The following MOSMO variants were observed in gnomAD, a reference collection of about 807,000 sequenced individuals.
The protein encoded by MOSMO is modulator of smoothened protein.
Under a neutral mutation model 18.4 loss-of-function variants are expected in MOSMO, and 5 were observed. The observed-to-expected ratio is 0.27, with a 90% CI of 0.14 to 0.57. The LOEUF (loss-of-function observed/expected upper bound fraction) is 0.57. Ranked by LOEUF, MOSMO falls within the 20% of genes least tolerant of loss-of-function variation. The probability of loss-of-function intolerance (pLI) is 0.92; values close to 1 mark genes in which losing one functional copy is unlikely to be tolerated. For synonymous variants in MOSMO, 82 were observed against 82.3 expected (o/e 1.00, Z 0.02); for missense variants, 138 against 211.8 (o/e 0.65, Z 2.16).
At chr16:22,049,954 C>T (rs1900389892) in intron 1 of MOSMO, among the ~76,000 whole-genome samples, 1 of 152,178 alleles carries the variant, frequency 6.6e-6, no homozygotes, top group Non-Finnish European at 1.5e-5. Flanking sequence ...ACCATTACTA[C>T]ACACTCTTCA....
intron 1 of MOSMO, among the ~76,000 whole-genome samples, chr16:22,060,857 GAGCAAAA>G (rs1567511412): frequency 6.6e-6 from 1 of 150,876 alleles, no homozygotes; most frequent in African/African-American, 2.4e-5. Flanking sequence ...TGGGCAACAG[GAGCAAAA>G]CTCTGTCTCA....
downstream of MOSMO, among the ~76,000 whole-genome samples, chr16:22,091,240 G>C (rs1302379217): frequency 6.6e-6 from 1 of 152,008 alleles, no homozygotes. Flanking sequence ...TCTTATACAT[G>C]GTGCTCTCAA....
chr16:22,008,350 A>C lies in MOSMO; in HGVS notation c.49A>C (p.Ile17Leu). 2.0e-6 allele frequency: 3 copies of C among 1,533,572 alleles called. No individual in the cohort carries two copies. Among genetic ancestry groups the C allele is most frequent in the Non-Finnish European group, 2.6e-6 (3 of 1,145,934 alleles). 95.0% of individuals were successfully genotyped at this position (1,533,572 alleles called of 1,614,324 possible). A position where few individuals can be genotyped will look rare whatever the true frequency, so the allele number is the denominator to read the frequency against. ...ISGCLFLAAD[I>L]FAIASIANPD... ...AGGATGTCTCTTTCTGGCCGCCGAT[A>C]TCTTCGCCATCGCCAGCATCGCCAA... The change falls in exon 1 of 3, where the codon ATC becomes CTC. Residue 17 changes from isoleucine (I) to leucine (L), a missense_variant. Ile to Leu is a conservative substitution (Grantham distance 5). Transcript: ENST00000542527.
chr16:22,069,209 T>C (rs1346473351), intron 1 of MOSMO, among the ~76,000 whole-genome samples: 1 of 152,130 alleles, frequency 6.6e-6, no homozygotes, highest in Non-Finnish European at 1.5e-5. Flanking sequence ...TCATAGGTAC[T>C]AGCCAGGAAA....
At chr16:22,073,849 A>T (rs536403001) in intron 1 of MOSMO, among the ~76,000 whole-genome samples, 1 of 151,994 alleles carries the variant, frequency 6.6e-6, no homozygotes, top group Admixed American at 6.6e-5. Flanking sequence ...TGATAACCCC[A>T]TAAGTATAAT....
intron 1 of MOSMO, among the ~76,000 whole-genome samples, chr16:22,061,905 CTT>C (rs1289033174): frequency 6.6e-6 from 1 of 152,138 alleles, no homozygotes; most frequent in Non-Finnish European, 1.5e-5. Flanking sequence ...CATTTTTAAT[CTT>C]ATGCTGAATT....
chr16:22,041,933 A>T (rs1238220938), intron 1 of MOSMO, among the ~76,000 whole-genome samples: 6 of 152,106 alleles, frequency 3.9e-5, no homozygotes, highest in African/African-American at 1.4e-4. Context: ...CGATCCTCCC[A>T]TCTTGACTTC....
At chr16:22,023,106 G>C (rs931858678) in intron 1 of MOSMO, among the ~76,000 whole-genome samples, 1 of 152,022 alleles carries the variant, frequency 6.6e-6, no homozygotes, top group African/African-American at 2.4e-5. Flanking sequence ...AAAATACTTT[G>C]GGTTTAAAAA....
intron 1 of MOSMO, among the ~76,000 whole-genome samples, chr16:22,023,537 T>G (rs964601750): frequency 6.6e-6 from 1 of 151,990 alleles, no homozygotes; most frequent in African/African-American, 2.4e-5. Context: ...TGCTGGGCAC[T>G]GCTTTTTTTC....
chr16:22,075,042 C>T (rs1458356253), intron 1 of MOSMO, among the ~76,000 whole-genome samples: 1 of 152,004 alleles, frequency 6.6e-6, no homozygotes, highest in Non-Finnish European at 1.5e-5. Context: ...TCTTCAATTT[C>T]CTGAAAAGTG....
chr16:22,050,717 T>TA (rs767433548), intron 1 of MOSMO, among the ~76,000 whole-genome samples: 1 of 151,780 alleles, frequency 6.6e-6, no homozygotes, highest in South Asian at 2.1e-4. Context: ...CCCATCTCCT[T>TA]AAAAAAATTT....
chr16:22,061,036 G>A lies in MOSMO; in HGVS notation c.107-14451G>A, dbSNP rs117156873. The stretch of plus-strand genomic sequence containing the variant: ...TCTTTACAAAGACCTGTATGCAAAT[G>A]TTTATAGTAGCCTTATTCATGATTG... On this transcript the variant is annotated intron_variant, in intron 1 of 2. Coordinates refer to ENST00000542527, the MANE Select transcript of MOSMO (RefSeq NM_001164579.2). 9.9e-3 allele frequency among the ~76,000 whole-genome samples: 1,509 copies of A among 152,280 alleles called. 8 individuals are homozygous for A. Among genetic ancestry groups the A allele is most frequent in the South Asian group, 0.015 (73 of 4,832 alleles).
In MOSMO at chr16:22,057,701, A is replaced by C. The variant is rs546171083; in HGVS notation, c.107-17786A>C. Reference sequence around the variant, plus strand: ...ATCTAGCAGTTAACAGACAACAAAAAAATAAAAATAAATATAATTGTCATA... The same window carrying C: ...ATCTAGCAGTTAACAGACAACAAAACAATAAAAATAAATATAATTGTCATA... On this transcript the variant is annotated intron_variant, in intron 1 of 2. Transcript: ENST00000542527. Among the ~76,000 whole-genome samples, 195 of 152,356 alleles carry C rather than the reference A, an allele frequency of 1.3e-3. 1 individual carries two copies. Among genetic ancestry groups the C allele is most frequent in the Non-Finnish European group, 2.5e-3 (167 of 68,040 alleles).
rs960763966 is a variant in MOSMO at position 22,075,584 on chromosome 16, A to G, written c.204A>G (p.Thr68=). The change falls in exon 2 of 3, where the codon ACA becomes ACG. Residue 68 remains threonine (T), a synonymous_variant. Coordinates refer to ENST00000542527, the MANE Select transcript of MOSMO (RefSeq NM_001164579.2). ...GGCTTCCCCCGGAGTGGGTCACCACACTGTTTTTTATCATCATGGGAATCA... is the reference window on the plus strand; with the variant it reads ...GGCTTCCCCCGGAGTGGGTCACCACGCTGTTTTTTATCATCATGGGAATCA... The part of the protein sequence containing the change: ...PPRLPPEWVT[T]LFFIIMGIIS... 1.5e-5 allele frequency: 23 copies of G among 1,537,128 alleles called. No homozygotes were observed. The highest frequency in any genetic ancestry group is 1.4e-4 in the Admixed American group (7 of 50,984).
chr16:22,011,480 A>G (rs537618806), intron 1 of MOSMO, among the ~76,000 whole-genome samples: 1 of 152,286 alleles, frequency 6.6e-6, no homozygotes, highest in East Asian at 1.9e-4. Flanking sequence ...AATAAAAACT[A>G]ATGGATTGTT....
At chr16:22,089,721 G>A (rs1006369670), downstream of MOSMO, among the ~76,000 whole-genome samples, 8 of 146,724 alleles carry the variant, frequency 5.5e-5, no homozygotes, top group Admixed American at 2.9e-4. Context: ...TACTGTGTTC[G>A]TCTCACACTT....
chr16:22,018,542 T>C (rs1402656163), intron 1 of MOSMO, among the ~76,000 whole-genome samples: 5 of 152,184 alleles, frequency 3.3e-5, no homozygotes, highest in Non-Finnish European at 7.4e-5. Flanking sequence ...AATCTTCCCA[T>C]AGATATTCCC....
intron 1 of MOSMO, among the ~76,000 whole-genome samples, chr16:22,070,723 C>T (rs1900831978): frequency 6.6e-6 from 1 of 152,090 alleles, no homozygotes; most frequent in Non-Finnish European, 1.5e-5. Flanking sequence ...ATTTAGAAAT[C>T]ATAGCAGATA....
chr16:22,036,284 G>C (rs1479052668), intron 1 of MOSMO, among the ~76,000 whole-genome samples: 2 of 151,912 alleles, frequency 1.3e-5, no homozygotes, highest in Non-Finnish European at 2.9e-5. Context: ...ACACCACCAT[G>C]CCTGGCTAAT....
Sources: allele counts gnomAD v4.1 joint callset (sites outside exome capture counted in the v4.1 genomes callset), GRCh38; gene constraint gnomAD v4.1.1; transcripts MANE v1.5; gene names NCBI Gene and HGNC (gene_info 2026-07-23, HGNC 2026-07-21).